Variants in CSMD1 observed in about 807,000 individuals in gnomAD.
CSMD1 encodes CUB and sushi domain-containing protein 1.
Under a neutral mutation model 417.5 loss-of-function variants are expected in CSMD1, and 213 were observed. That is an observed-to-expected ratio of 0.51 (90% CI 0.46 to 0.57). The LOEUF is 0.57. Ranked by LOEUF, CSMD1 falls within the 20% of genes least tolerant of loss-of-function variation. The probability of loss-of-function intolerance (pLI) is 0.00; values close to 1 mark genes in which losing one functional copy is unlikely to be tolerated. For missense variants in CSMD1, 6,923 were observed against 4,529.7 expected, an observed-to-expected ratio of 1.53 and a Z score of -15.17; for synonymous variants, 2,862 against 1,736.8, an observed-to-expected ratio of 1.65 and a Z score of -16.11.
chr8:4,980,581 T>A (rs551375694), intron 1 of CSMD1, among the ~76,000 whole-genome samples: 2 of 152,322 alleles, frequency 1.3e-5, no homozygotes, highest in Admixed American at 1.3e-4. Flanking sequence ...GACTTGAATT[T>A]GTGAACTGGA....
At chr8:3,907,566 G>C (rs73495996) in intron 5 of CSMD1, among the ~76,000 whole-genome samples, 2,696 of 152,268 alleles carry the variant, frequency 0.018, 87 homozygotes, top group African/African-American at 0.06. Flanking sequence ...CCAAGTGTGA[G>C]TTACCAGTGG....
intron 5 of CSMD1, among the ~76,000 whole-genome samples, chr8:3,907,839 C>A (rs930374963): frequency 2.6e-5 from 4 of 152,216 alleles, no homozygotes; most frequent in African/African-American, 9.6e-5. Flanking sequence ...TTCTCATCAT[C>A]AACTCTGTGC....
At chr8:2,999,411 C>G (rs1807203735) in intron 53 of CSMD1, among the ~76,000 whole-genome samples, 1 of 152,128 alleles carries the variant, frequency 6.6e-6, no homozygotes, top group African/African-American at 2.4e-5. Flanking sequence ...GCCTCAGCCT[C>G]CCAAAGTGCT....
chr8:4,402,185 A>C (rs749559498), intron 3 of CSMD1, among the ~76,000 whole-genome samples: 2 of 151,966 alleles, frequency 1.3e-5, no homozygotes, highest in South Asian at 4.2e-4. Context: ...TACTTCTCCA[A>C]AATTGCGACT....
chr8:3,661,496 T>C (rs1309268641), intron 7 of CSMD1, among the ~76,000 whole-genome samples: 1 of 144,778 alleles, frequency 6.9e-6, no homozygotes, highest in Non-Finnish European at 1.5e-5. Context: ...TCAATTAAAC[T>C]GATTTTTTTT....
intron 12 of CSMD1, among the ~76,000 whole-genome samples, chr8:3,460,340 A>G (rs1357968584): frequency 1.3e-5 from 2 of 152,188 alleles, no homozygotes; most frequent in African/African-American, 4.8e-5. Flanking sequence ...TGGGACAAAC[A>G]TCAAGTGTAT....
intron 1 of CSMD1, among the ~76,000 whole-genome samples, chr8:4,678,419 A>T (rs374257153): frequency 2.0e-5 from 3 of 152,072 alleles, no homozygotes; most frequent in Non-Finnish European, 4.4e-5. Flanking sequence ...TCAACAACAA[A>T]AAAAAAGAAT....
intron 2 of CSMD1, among the ~76,000 whole-genome samples, chr8:4,451,521 A>G (rs556782867): frequency 2.4e-4 from 37 of 152,266 alleles, no homozygotes; most frequent in Admixed American, 5.2e-4. Context: ...TATCACAAAA[A>G]TTCCAGAGAC....
intron 1 of CSMD1, among the ~76,000 whole-genome samples, chr8:4,664,050 G>T (rs377462004): frequency 9.6e-4 from 146 of 152,196 alleles, no homozygotes; most frequent in African/African-American, 3.5e-3. Flanking sequence ...TCATGAAATC[G>T]CCTCTGTGAA....
In CSMD1 at chr8:3,237,756, C is replaced by CTATAAGTATAATTTTTATAATTA. The variant is rs1799243646; in HGVS notation, c.4154-7526_4154-7525insTAATTATAAAAATTATACTTATA. ...TATAATTTTTATAATTATACTTATA[C>CTATAAGTATAATTTTTATAATTA]TACAAATATAATTTTTATAATTATA... On this transcript the variant is annotated intron_variant, in intron 26 of 69. Coordinates refer to ENST00000635120, the MANE Select transcript of CSMD1 (RefSeq NM_033225.6). 4.6e-5 allele frequency among the ~76,000 whole-genome samples: 6 copies of CTATAAGTATAATTTTTATAATTA among 131,258 alleles called. 1 individual carries two copies. Among genetic ancestry groups the CTATAAGTATAATTTTTATAATTA allele is most frequent in the African/African-American group, 1.1e-4 (4 of 36,364 alleles). 86.1% of individuals were successfully genotyped at this position (131,258 alleles called of 152,430 possible). A position where few individuals can be genotyped will look rare whatever the true frequency, so the allele number is the denominator to read the frequency against.
At chr8:3,111,395 T>A (rs7834077) in intron 42 of CSMD1, among the ~76,000 whole-genome samples, 9,670 of 152,234 alleles carry the variant, frequency 0.064, 1,007 homozygotes, top group African/African-American at 0.22. Flanking sequence ...GAAGTTTTAC[T>A]GCGTAATTAT....
At chr8:3,134,435 G>C (rs956800668) in intron 41 of CSMD1, among the ~76,000 whole-genome samples, 1 of 152,194 alleles carries the variant, frequency 6.6e-6, no homozygotes, top group African/African-American at 2.4e-5. Context: ...TTGACTCTCA[G>C]GGTTTTGGCG....
At chr8:4,360,542 G>T (rs4875099) in intron 3 of CSMD1, among the ~76,000 whole-genome samples, 93,402 of 151,920 alleles carry the variant, frequency 0.61, 29,657 homozygotes, top group Admixed American at 0.73. Flanking sequence ...CAGGCTGGAG[G>T]GCAGTGGCGC....
chr8:4,689,667 C>G (rs1320537221), intron 1 of CSMD1, among the ~76,000 whole-genome samples: 1 of 151,830 alleles, frequency 6.6e-6, no homozygotes, highest in Admixed American at 6.6e-5. Context: ...CCCAAGTAAT[C>G]TTTTTTTTGC....
intron 25 of CSMD1, among the ~76,000 whole-genome samples, chr8:3,290,434 C>G (rs565360971): frequency 6.8e-6 from 1 of 146,396 alleles, no homozygotes; most frequent in South Asian, 2.1e-4. Context: ...GCCATTTTCA[C>G]AATATTGATT....
chr8:4,593,256 A>G (rs1040076317), intron 2 of CSMD1, among the ~76,000 whole-genome samples: 1 of 152,224 alleles, frequency 6.6e-6, no homozygotes, highest in Non-Finnish European at 1.5e-5. Context: ...CCGCAGGAAC[A>G]TGAGCGTTAA....
chr8:3,662,879 T>A (rs560554282), intron 7 of CSMD1, among the ~76,000 whole-genome samples: 2 of 151,824 alleles, frequency 1.3e-5, no homozygotes, highest in Non-Finnish European at 2.9e-5. Flanking sequence ...AGGACAAATA[T>A]GTAATGCATG....
chr8:3,285,731 A>T (rs969991380), intron 25 of CSMD1, among the ~76,000 whole-genome samples: 13 of 152,004 alleles, frequency 8.6e-5, no homozygotes, highest in Admixed American at 7.9e-4. Flanking sequence ...AATCTTATAC[A>T]TGCAACAATT....
At chr8:4,596,341 C>G (rs768538251) in intron 2 of CSMD1, among the ~76,000 whole-genome samples, 12 of 152,138 alleles carry the variant, frequency 7.9e-5, no homozygotes, top group Non-Finnish European at 1.0e-4. Flanking sequence ...AAAACGAAAC[C>G]TCCTCTCTAA....
Sources: allele counts gnomAD v4.1 joint callset (sites outside exome capture counted in the v4.1 genomes callset), GRCh38; gene constraint gnomAD v4.1.1; transcripts MANE v1.5; gene names NCBI Gene and HGNC (gene_info 2026-07-23, HGNC 2026-07-21).